LBR: variants seen among roughly 807,000 people sequenced by gnomAD.
LBR encodes delta(14)-sterol reductase LBR.
In LBR, 28 loss-of-function variants were observed where a neutral mutation model predicts 74.3. The observed-to-expected ratio is 0.38, with a 90% CI of 0.28 to 0.52. The LOEUF (loss-of-function observed/expected upper bound fraction) is 0.52, where lower values mean the gene tolerates loss of function less well. LBR is among the 20% of genes least tolerant of loss of function. The pLI, the probability that LBR is intolerant of heterozygous loss-of-function variation, is 0.89. For synonymous variants in LBR, 228 were observed against 269.3 expected (o/e 0.85, Z 1.50); for missense variants, 717 against 760.3 (o/e 0.94, Z 0.67).
At position 225,418,125 on chromosome 1, in the gene LBR, C is replaced by T. The variant is rs1164798368; in HGVS notation, c.696G>A (p.Met232Ile). Residue 232 changes from methionine (M) to isoleucine (I), a missense_variant, in exon 6 of 14, where the codon ATG becomes ATA. Coordinates refer to ENST00000272163, the MANE Select transcript of LBR (RefSeq NM_002296.4). ...GAAGACTGGGATCTTTCTGTTTACA[C>T]ATCAACAGCAACAGGAAGAGGAACA... is the stretch of plus-strand genomic sequence containing the variant. Reference protein sequence around the residue: ...LPVFLFLLLLMCKQKDPSLLN... With the variant: ...LPVFLFLLLLICKQKDPSLLN... 6.2e-7 allele frequency: 1 copy of T among 1,614,116 alleles called. No homozygotes were observed. Among genetic ancestry groups the T allele is most frequent in the Non-Finnish European group, 8.5e-7 (1 of 1,179,986 alleles).
intron 3 of LBR, among the ~76,000 whole-genome samples, chr1:225,420,845 T>C (rs981429364): frequency 5.3e-5 from 8 of 151,980 alleles, no homozygotes; most frequent in African/African-American, 1.9e-4. Flanking sequence ...GATACTACTA[T>C]AAACTTTCTT....
At position 225,403,075 on chromosome 1, in the gene LBR, A is replaced by G; in HGVS notation, c.*228T>C. The G allele has an allele frequency of 1.9e-6, 1 of 524,452 alleles. No individual in the cohort carries two copies. Among genetic ancestry groups the G allele is most frequent in the Non-Finnish European group, 3.4e-6 (1 of 295,758 alleles). The allele number at this position is 524,452 out of a possible 1,614,324, so 32.5% of individuals were successfully genotyped here. On this transcript the variant is annotated 3_prime_UTR_variant, in exon 14 of 14. Coordinates refer to ENST00000272163, the MANE Select transcript of LBR (RefSeq NM_002296.4). Reference sequence around the variant, plus strand: ...GTTGAAAATTTCCCATTAAAATGCAAATTCTCACATCCTTACTTGTATTTT... The same window carrying G: ...GTTGAAAATTTCCCATTAAAATGCAGATTCTCACATCCTTACTTGTATTTT...
At chr1:225,406,549 C>T (rs2096092067) in intron 11 of LBR, 115 bp downstream of exon 11, 5 of 905,152 alleles carry the variant, frequency 5.5e-6, no homozygotes, top group Non-Finnish European at 8.5e-6. Context: ...TGGCTTCAAA[C>T]TGAGCTAATG....
At chr1:225,417,908 A>C in intron 6 of LBR, 76 bp downstream of exon 6, 1 of 1,380,790 alleles carries the variant, frequency 7.2e-7, no homozygotes, top group Admixed American at 1.8e-5. Context: ...ACTTGATCCC[A>C]GAAATTGGAG....
chr1:225,414,242 G>C (rs996568560), intron 7 of LBR: 1 of 426,060 alleles, frequency 2.3e-6, no homozygotes, highest in East Asian at 7.1e-5. Flanking sequence ...AAGGCAGAAG[G>C]TGTCTAAACT....
chr1:225,421,424 C>A (rs912372179), intron 3 of LBR, among the ~76,000 whole-genome samples: 20 of 152,242 alleles, frequency 1.3e-4, no homozygotes, highest in Admixed American at 3.9e-4. Flanking sequence ...ACCCAGGAGG[C>A]GGAGCTTGCA....
chr1:225,425,492 A>G (rs1294253968), intron 1 of LBR, among the ~76,000 whole-genome samples: 1 of 152,044 alleles, frequency 6.6e-6, no homozygotes, highest in Non-Finnish European at 1.5e-5. Flanking sequence ...AGTGGGGAGG[A>G]GCCCACAAGT....
chr1:225,423,976 A>C lies in LBR; in HGVS notation c.100T>G (p.Ser34Ala). ...EVEILSHDST[S>A]QLYTVKYKDG... ...TTATACTTCACAGTGTAAAGCTGGG[A>C]GGTGCTGTCGTGGCTCAGAATTTCT... The change falls in exon 2 of 14, where the codon TCC (serine) becomes GCC (alanine). Residue 34 changes from serine to alanine, a missense_variant. Ser to Ala is a moderately conservative substitution (Grantham distance 99, BLOSUM62 1). Transcript: ENST00000272163. 4 of 1,613,904 alleles carry C rather than the reference A, an allele frequency of 2.5e-6. No individual in the cohort carries two copies. The highest frequency in any genetic ancestry group is 1.1e-5 in the South Asian group (1 of 91,080).
At chr1:225,425,524 G>A (rs1203609736) in intron 1 of LBR, among the ~76,000 whole-genome samples, 5 of 152,140 alleles carry the variant, frequency 3.3e-5, no homozygotes, top group Admixed American at 3.3e-4. Flanking sequence ...AGTCAGGCCT[G>A]GCTGAGTCAC....
chr1:225,425,935 C>T (rs1050950694), intron 1 of LBR, among the ~76,000 whole-genome samples: 2 of 152,236 alleles, frequency 1.3e-5, no homozygotes, highest in African/African-American at 4.8e-5. Context: ...AACTTATTTA[C>T]TGGCATCTTT....
intron 6 of LBR, among the ~76,000 whole-genome samples, chr1:225,415,892 T>TTAA (rs2096116196): frequency 6.6e-6 from 1 of 152,160 alleles, no homozygotes; most frequent in Non-Finnish European, 1.5e-5. Context: ...TTCATGTGAT[T>TTAA]CTTTTATCTG....
intron 1 of LBR, among the ~76,000 whole-genome samples, chr1:225,425,510 A>T (rs1216360764): frequency 6.6e-6 from 1 of 152,138 alleles, no homozygotes. Flanking sequence ...AGTTTTCGGG[A>T]TGAAGTCAGG....
In LBR at chr1:225,406,931, C is replaced by T. The variant is rs1189236409; in HGVS notation, c.1315-99G>A. 28 of 1,152,062 alleles carry T rather than the reference C, an allele frequency of 2.4e-5. 1 individual carries two copies. In the South Asian group the frequency reaches 2.6e-4, roughly 11 times the overall value. 71.4% of individuals were successfully genotyped at this position (1,152,062 alleles called of 1,614,324 possible). On this transcript the variant is annotated intron_variant, in intron 10 of 13. Coordinates refer to ENST00000272163, the MANE Select transcript of LBR (RefSeq NM_002296.4). ...AGGCAAATGTAAAAAGTGCTATGGGCGGGTCCACAATCAACATTTTTTTGT... is the reference window on the plus strand; with the variant it reads ...AGGCAAATGTAAAAAGTGCTATGGGTGGGTCCACAATCAACATTTTTTTGT...
chr1:225,423,902 A>G lies in LBR; in HGVS notation c.165+9T>C. On this transcript the variant is annotated intron_variant, in intron 2 of 13. Coordinates refer to ENST00000272163, the MANE Select transcript of LBR (RefSeq NM_002296.4). Reference sequence around the variant, plus strand: ...TAAACACACTCTGATAAACCAAAGGAGCTCTTACCTTAATATCATTCTCTT... The same window carrying G: ...TAAACACACTCTGATAAACCAAAGGGGCTCTTACCTTAATATCATTCTCTT... 6.2e-7 allele frequency: 1 copy of G among 1,610,930 alleles called. No individual in the cohort carries two copies. The highest frequency in any genetic ancestry group is 8.5e-7 in the Non-Finnish European group (1 of 1,177,204).
At chr1:225,410,246 T>A (rs750281873) in intron 10 of LBR, 45 bp downstream of exon 10, 4 of 1,611,690 alleles carry the variant, frequency 2.5e-6, no homozygotes, top group Non-Finnish European at 3.4e-6. Flanking sequence ...ACTCACCCAC[T>A]CAAAGCCATC....
Position 225,411,372 on chromosome 1 carries a change from A to G in LBR, c.1153T>C (p.Tyr385His), listed in dbSNP as rs2096105059. ...AATCCGGGGCGCAATTCACAAAAGT[A>G]TTTGAGATCAAAAGTACCAATTCGA... ...NPRIGTFDLK[Y>H]FCELRPGLIG... The change falls in exon 9 of 14, where the codon TAC (tyrosine) becomes CAC (histidine). Residue 385 changes from tyrosine (Y) to histidine (H), a missense_variant. Transcript: ENST00000272163. The G allele has an allele frequency of 6.2e-7, 1 of 1,614,126 alleles. No homozygotes were observed.
At chr1:225,406,945 A>G in intron 10 of LBR, 113 bp from the exon 11 acceptor site, 1 of 1,003,650 alleles carries the variant, frequency 1.0e-6, no homozygotes, top group Non-Finnish European at 1.5e-6. Context: ...TCCACAATCA[A>G]CATTTTTTTG....
intron 3 of LBR, 73 bp downstream of exon 3, chr1:225,422,004 A>C: frequency 7.3e-7 from 1 of 1,372,446 alleles, no homozygotes; most frequent in Non-Finnish European, 1.0e-6. Flanking sequence ...TAATATTATT[A>C]ACTGCAAGTA....
chr1:225,411,167 T>G (rs1398234503), intron 9 of LBR, among the ~76,000 whole-genome samples, 170 bp downstream of exon 9: 1 of 152,230 alleles, frequency 6.6e-6, no homozygotes, highest in Non-Finnish European at 1.5e-5. Context: ...CAGGGCATCT[T>G]AAACCTCTGG....
Sources: allele counts gnomAD v4.1 joint callset (sites outside exome capture counted in the v4.1 genomes callset), GRCh38; gene constraint gnomAD v4.1.1; transcripts MANE v1.5; gene names NCBI Gene and HGNC (gene_info 2026-07-23, HGNC 2026-07-21).